The following DEAF1 variants were observed in gnomAD, a reference collection of about 807,000 sequenced individuals.
DEAF1 encodes the protein DEAF1 transcription factor.
A neutral mutation model predicts 58.9 loss-of-function variants in DEAF1; 53 were observed. The observed-to-expected ratio is 0.90, with a 90% CI of 0.72 to 1.13. The LOEUF (loss-of-function observed/expected upper bound fraction) is 1.13, where lower values mean the gene tolerates loss of function less well. DEAF1 is among the 50% of genes most tolerant of loss of function. DEAF1 has a pLI of 0.00. For synonymous variants in DEAF1, 385 were observed against 340.4 expected, an observed-to-expected ratio of 1.13 and a Z score of -1.44; for missense variants, 685 against 791.4, an observed-to-expected ratio of 0.87 and a Z score of 1.61.
Position 644,324 on chromosome 11 carries a change from A to G in DEAF1, c.*226T>C. ...GGCAAGACCGGACGCTCATGATCCCAGGGATAAAAAATCTGTCCGCGAGCG... is the reference window on the plus strand; with the variant it reads ...GGCAAGACCGGACGCTCATGATCCCGGGGATAAAAAATCTGTCCGCGAGCG... On this transcript the variant is annotated 3_prime_UTR_variant, in exon 12 of 12. Coordinates refer to ENST00000382409, the MANE Select transcript of DEAF1 (RefSeq NM_021008.4). This position sits in a 1 kb window ranked among gnomAD's most constrained non-coding sequence, Gnocchi z 4.3. 1.6e-6 allele frequency: 1 copy of G among 610,624 alleles called. No homozygotes were observed. The highest frequency in any genetic ancestry group is 2.9e-6 in the Non-Finnish European group (1 of 339,438). 37.8% of individuals were successfully genotyped at this position (610,624 alleles called of 1,614,324 possible). A position where few individuals can be genotyped will look rare whatever the true frequency, so the allele number is the denominator to read the frequency against.
chr11:696,192 C>G (rs1295354604), upstream of DEAF1, among the ~76,000 whole-genome samples: 2 of 152,110 alleles, frequency 1.3e-5, no homozygotes, highest in African/African-American at 4.8e-5. Context: ...CCTTGGAACT[C>G]TCGCCAAAGA....
chr11:691,026 T>C (rs1281028838), intron 2 of DEAF1, among the ~76,000 whole-genome samples: 13 of 152,208 alleles, frequency 8.5e-5, no homozygotes, highest in Non-Finnish European at 1.5e-4. Flanking sequence ...GCACAGACAC[T>C]ATTTGAAATG....
At chr11:689,783 C>G (rs117553479) in intron 2 of DEAF1, 2 of 152,348 alleles carry the variant, frequency 1.3e-5, no homozygotes, top group East Asian at 3.9e-4. Flanking sequence ...AGTTTCCAAA[C>G]AGGAACACAC....
intron 6 of DEAF1, 62 bp downstream of exon 6, chr11:684,836 G>T: frequency 7.0e-7 from 1 of 1,429,350 alleles, no homozygotes; most frequent in Non-Finnish European, 9.6e-7. Flanking sequence ...AGGGCTGTGG[G>T]ACCCACTCAG....
rs111377617 is a variant in DEAF1, at chr11:644,565, C to T, written c.1683G>A (p.Glu561=). Residue 561 remains glutamate (E), a synonymous_variant, in exon 12 of 12, where the codon GAG becomes GAA. Transcript: ENST00000382409. The surrounding 1 kb of genome is among the most constrained non-coding windows in gnomAD (Gnocchi z 4.3). ...DEVHVAESVM[E]KVTV ...CGATGGAGCCTCACACGGTCACCTT[C>T]TCCATCACGCTTTCAGCCACGTGGA... The T allele has an allele frequency of 7.4e-6, 12 of 1,612,900 alleles. No individual in the cohort carries two copies. The African/African-American group carries it at 1.1e-4, about 14-fold the overall frequency.
chr11:656,940 G>A (rs11603404), intron 10 of DEAF1, among the ~76,000 whole-genome samples: 14,949 of 152,108 alleles, frequency 0.098, 961 homozygotes, highest in Non-Finnish European at 0.15. Flanking sequence ...ATTAGAGTCA[G>A]AGGCAGTAGC....
rs1391616539 is a variant in DEAF1 at position 644,323 on chromosome 11, C to T, written c.*227G>A. 4.9e-6 allele frequency: 3 copies of T among 611,722 alleles called. No homozygotes were observed. The African/African-American group carries it at 5.5e-5, about 11-fold the overall frequency. The allele number at this position is 611,722 out of a possible 1,614,324, so 37.9% of individuals were successfully genotyped here. ...GGGCAAGACCGGACGCTCATGATCC[C>T]AGGGATAAAAAATCTGTCCGCGAGC... is the stretch of plus-strand genomic sequence containing the variant. On this transcript the variant is annotated 3_prime_UTR_variant, in exon 12 of 12. Coordinates refer to ENST00000382409, the MANE Select transcript of DEAF1 (RefSeq NM_021008.4). This position sits in a 1 kb window ranked among gnomAD's most constrained non-coding sequence, Gnocchi z 4.3.
At chr11:653,899 C>T (rs1383064225) in intron 11 of DEAF1, 63 bp downstream of exon 11, 11 of 1,499,852 alleles carry the variant, frequency 7.3e-6, no homozygotes, top group Non-Finnish European at 1.0e-5. Context: ...GGGAGGGCCA[C>T]CCAGGGGTCT....
chr11:695,979 C>T, upstream of DEAF1: 2 of 731,700 alleles, frequency 2.7e-6, no homozygotes, highest in Non-Finnish European at 1.9e-6. Context: ...CGAGACAGCT[C>T]CGTCACCCCA....
chr11:663,184 C>G (rs1423304390), intron 10 of DEAF1, among the ~76,000 whole-genome samples: 1 of 152,202 alleles, frequency 6.6e-6, no homozygotes. Context: ...TGGTGGCTTA[C>G]GTCTGTAATC....
chr11:648,936 C>T lies in DEAF1; in HGVS notation c.1594-4282G>A, dbSNP rs531511092. On this transcript the variant is annotated intron_variant, in intron 11 of 11. Transcript: ENST00000382409. ...AACTGCAAATATAAACACAAATCCA[C>T]TCACATTGATAATTACATTAAACAT... Among the ~76,000 whole-genome samples, 8 of 152,314 alleles carry T rather than the reference C, an allele frequency of 5.3e-5. No homozygotes were observed. The East Asian group carries it at 7.7e-4, about 15-fold the overall frequency.
intron 1 of DEAF1, chr11:702,812 G>A: frequency 1.2e-6 from 1 of 862,866 alleles, no homozygotes. Flanking sequence ...CTGTTTCCCT[G>A]GAATTCCCCA....
At chr11:668,306 C>T (rs759388879) in intron 10 of DEAF1, among the ~76,000 whole-genome samples, 8 of 152,160 alleles carry the variant, frequency 5.3e-5, no homozygotes, top group Admixed American at 2.6e-4. Flanking sequence ...CTATGAACCA[C>T]CTTGACCTAA....
chr11:688,221 G>A lies in DEAF1; in HGVS notation c.517+110C>T. On this transcript the variant is annotated intron_variant, in intron 3 of 11. Transcript: ENST00000382409. The surrounding 1 kb of genome is among the most constrained non-coding windows in gnomAD (Gnocchi z 4.3). ...TTTTACTTAAAATCTATTAATAGAT[G>A]ATATTCCAAATTTACCACAAAAAGA... 1.3e-6 allele frequency: 2 copies of A among 1,516,328 alleles called. No individual in the cohort carries two copies. The highest frequency in any genetic ancestry group is 1.8e-6 in the Non-Finnish European group (2 of 1,119,828). 93.9% of individuals were successfully genotyped at this position (1,516,328 alleles called of 1,614,324 possible). A position where few individuals can be genotyped will look rare whatever the true frequency, so the allele number is the denominator to read the frequency against.
chr11:680,817 A>T, intron 7 of DEAF1, 146 bp downstream of exon 7: 1 of 1,227,968 alleles, frequency 8.1e-7, no homozygotes, highest in South Asian at 1.3e-5. Context: ...ACGCACTGCA[A>T]AGGAGTGTGA....
Position 644,279 on chromosome 11 carries a change from G to A in DEAF1, c.*271C>T, listed in dbSNP as rs529384385. The stretch of plus-strand genomic sequence containing the variant: ...ACAGACACAACACGTATGTATGTGC[G>A]TCGCAGCACAGGCCCTGTGGGCAAG... On this transcript the variant is annotated 3_prime_UTR_variant, in exon 12 of 12. Transcript: ENST00000382409. This position sits in a 1 kb window ranked among gnomAD's most constrained non-coding sequence, Gnocchi z 4.3. 115 of 562,076 alleles carry A rather than the reference G, an allele frequency of 2.0e-4. No homozygotes were observed. Among genetic ancestry groups the A allele is most frequent in the South Asian group, 5.8e-4 (29 of 50,424 alleles). The allele number at this position is 562,076 out of a possible 1,614,324, so 34.8% of individuals were successfully genotyped here.
intron 7 of DEAF1, among the ~76,000 whole-genome samples, chr11:680,460 A>C (rs1860302824): frequency 6.6e-6 from 1 of 152,182 alleles, no homozygotes; most frequent in Non-Finnish European, 1.5e-5. Context: ...AAATAAAAAC[A>C]TTAGCTGGGC....
At chr11:682,219 CAACT>C (rs909114564) in intron 6 of DEAF1, among the ~76,000 whole-genome samples, 2 of 152,216 alleles carry the variant, frequency 1.3e-5, no homozygotes, top group Admixed American at 6.5e-5. Flanking sequence ...GTGTCAGAAT[CAACT>C]AACTGCCAGC....
intron 11 of DEAF1, among the ~76,000 whole-genome samples, chr11:645,329 G>GT (rs1858437557): frequency 6.6e-6 from 1 of 151,960 alleles, no homozygotes. Flanking sequence ...TTTTTTTGTT[G>GT]TTTTTCGGAC....
Sources: allele counts gnomAD v4.1 joint callset (sites outside exome capture counted in the v4.1 genomes callset), GRCh38; gene constraint gnomAD v4.1.1; non-coding constraint Gnocchi (gnomAD v3.1); transcripts MANE v1.5; gene names NCBI Gene and HGNC (gene_info 2026-07-23, HGNC 2026-07-21).